SYT16: variants seen among roughly 807,000 people sequenced by gnomAD.
SYT16 encodes the protein synaptotagmin-16.
In SYT16, 42 loss-of-function variants were observed where a neutral mutation model predicts 61.4. The observed-to-expected ratio is 0.68, with a 90% confidence interval of 0.53 to 0.89. The LOEUF is 0.89. Among genes scored for constraint, SYT16 ranks in the 40% least tolerant of loss-of-function variants. SYT16 has a pLI of 0.00. For synonymous variants in SYT16, 314 were observed against 302.3 expected, an observed-to-expected ratio of 1.04 and a Z score of -0.40; for missense variants, 804 against 807.3, an observed-to-expected ratio of 1.00 and a Z score of 0.05.
intron 3 of SYT16, among the ~76,000 whole-genome samples, chr14:62,013,077 G>C (rs1011838214): frequency 5.3e-5 from 8 of 152,118 alleles, no homozygotes; most frequent in Non-Finnish European, 1.0e-4. Context: ...AGTTAACTAC[G>C]TTGTAACCTT....
At chr14:61,994,604 T>C (rs952794712) in intron 2 of SYT16, among the ~76,000 whole-genome samples, 1 of 152,036 alleles carries the variant, frequency 6.6e-6, no homozygotes, top group Admixed American at 6.6e-5. Context: ...AGGGAAGCCA[T>C]AGGACAAGTT....
intron 1 of SYT16, chr14:61,832,144 C>T (rs959722302): frequency 4.2e-6 from 3 of 706,052 alleles, no homozygotes; most frequent in Admixed American, 1.9e-5. Context: ...ACTTTCCCAT[C>T]CGTGGAGCGG....
chr14:62,054,360 G>GTTTTTTTTTTTTTTT (rs11347339), intron 3 of SYT16, among the ~76,000 whole-genome samples: 12 of 118,290 alleles, frequency 1.0e-4, no homozygotes, highest in Non-Finnish European at 1.4e-4. Context: ...AGTGAAGTGA[G>GTTTTTTTTTTTTTTT]TTTTTTTTTT....
In SYT16 at chr14:62,109,244, G is replaced by A. The variant is rs1229803105; in HGVS notation, c.*8537G>A. Reference sequence around the variant, plus strand: ...GTCCTTGTACTGTCCCCAGAGTTTTGCCTTTTCCAGAATGTCATACAGTAT... The same window carrying A: ...GTCCTTGTACTGTCCCCAGAGTTTTACCTTTTCCAGAATGTCATACAGTAT... On this transcript the variant is annotated 3_prime_UTR_variant, in exon 8 of 8. Transcript: ENST00000683842. 6.7e-6 allele frequency: 1 copy of A among 150,052 alleles called. No homozygotes were observed. The highest frequency in any genetic ancestry group is 6.6e-5 in the Admixed American group (1 of 15,068). The allele number at this position is 150,052 out of a possible 1,614,324, so 9.3% of individuals were successfully genotyped here.
chr14:62,079,649 A>G (rs1449718485), intron 5 of SYT16, among the ~76,000 whole-genome samples: 1 of 152,260 alleles, frequency 6.6e-6, no homozygotes, highest in Non-Finnish European at 1.5e-5. Context: ...TAAATTAGCA[A>G]GTTCTGGTGT....
At chr14:61,987,717 G>A (rs1280830338) in intron 2 of SYT16, among the ~76,000 whole-genome samples, 4 of 148,798 alleles carry the variant, frequency 2.7e-5, no homozygotes, top group African/African-American at 9.9e-5. Flanking sequence ...TTGTGTTATG[G>A]TGGAGGGATT....
At chr14:61,927,178 T>G (rs528056804) in intron 1 of SYT16, among the ~76,000 whole-genome samples, 1 of 152,344 alleles carries the variant, frequency 6.6e-6, no homozygotes, top group East Asian at 1.9e-4. Context: ...TCTGTGACCC[T>G]CTTGGTTTTA....
Position 62,100,464 on chromosome 14 carries a change from G to C in SYT16, c.1695G>C (p.Arg565=). ...QEMSRCKTSI[R]RGQPNPVYKE... ...TGTCCCGTTGCAAGACGTCCATTCG[G>C]CGTGGTCAGCCCAATCCTGTCTATA... Residue 565 remains arginine (R), a synonymous_variant, in exon 8 of 8, where the codon CGG becomes CGC. Transcript: ENST00000683842. The C allele has an allele frequency of 6.2e-7, 1 of 1,613,466 alleles. No individual in the cohort carries two copies. The highest frequency in any genetic ancestry group is 1.7e-5 in the Admixed American group (1 of 59,920).
chr14:62,034,796 T>C (rs558091841), intron 3 of SYT16, among the ~76,000 whole-genome samples: 1 of 152,286 alleles, frequency 6.6e-6, no homozygotes, highest in South Asian at 2.1e-4. Context: ...TTGATTGTGA[T>C]GGTTGCATAA....
Position 61,812,707 on chromosome 14 carries a change from G to T in SYT16, c.-428G>T, listed in dbSNP as rs1387998731. On this transcript the variant is annotated 5_prime_UTR_variant, in exon 1 of 8. Transcript: ENST00000683842. ...GCTGTGCGCGGCGCGGCCCCCGAGC[G>T]CACCGGGCCTGCCGAGGAGCGCGCG... 4 of 147,984 alleles carry T rather than the reference G, an allele frequency of 2.7e-5. No homozygotes were observed. Among genetic ancestry groups the T allele is most frequent in the African/African-American group, 7.3e-5 (3 of 40,944 alleles). 9.2% of individuals were successfully genotyped at this position (147,984 alleles called of 1,614,324 possible).
At chr14:61,867,746 C>T (rs370614614) in intron 1 of SYT16, among the ~76,000 whole-genome samples, 6 of 152,018 alleles carry the variant, frequency 3.9e-5, no homozygotes, top group African/African-American at 9.7e-5. Context: ...TGCTCCCAGT[C>T]TTGGGGGAAA....
intron 3 of SYT16, among the ~76,000 whole-genome samples, chr14:62,031,383 T>C (rs1308745660): frequency 1.3e-5 from 2 of 152,148 alleles, no homozygotes; most frequent in African/African-American, 4.8e-5. Context: ...GAAATGGAGA[T>C]GATGTTCACA....
chr14:62,065,702 C>T (rs17099474), intron 3 of SYT16, among the ~76,000 whole-genome samples: 4,150 of 152,260 alleles, frequency 0.027, 110 homozygotes, highest in African/African-American at 0.072. Flanking sequence ...AATCCAGACA[C>T]CCCTCACATT....
chr14:62,088,588 G>A (rs2056965020), intron 7 of SYT16, among the ~76,000 whole-genome samples: 1 of 152,172 alleles, frequency 6.6e-6, no homozygotes, highest in South Asian at 2.1e-4. Context: ...GAATGGCACT[G>A]AGCTTTGTAC....
chr14:61,835,505 A>C (rs1283825417), intron 1 of SYT16, among the ~76,000 whole-genome samples: 1 of 151,096 alleles, frequency 6.6e-6, no homozygotes, highest in African/African-American at 2.4e-5. Flanking sequence ...TGATCTGCCC[A>C]TCTTGGCCTC....
intron 3 of SYT16, among the ~76,000 whole-genome samples, chr14:62,050,757 G>T (rs2055241603): frequency 6.6e-6 from 1 of 152,090 alleles, no homozygotes; most frequent in Non-Finnish European, 1.5e-5. Flanking sequence ...TGTTTGCCTG[G>T]GTATCAGCAG....
chr14:61,832,432 C>CT, intron 1 of SYT16: 2 of 447,576 alleles, frequency 4.5e-6, no homozygotes, highest in Non-Finnish European at 8.9e-6. Context: ...CCCAGTAGTT[C>CT]TTTTTTGTTT....
intron 1 of SYT16, among the ~76,000 whole-genome samples, chr14:61,821,226 T>G (rs1355965181): frequency 7.1e-6 from 1 of 140,310 alleles, no homozygotes; most frequent in African/African-American, 2.5e-5. Flanking sequence ...CTTAGACTTT[T>G]TAGAAGTGCA....
chr14:62,039,542 A>C (rs774867323), intron 3 of SYT16, among the ~76,000 whole-genome samples: 13 of 152,284 alleles, frequency 8.5e-5, no homozygotes, highest in Non-Finnish European at 1.8e-4. Context: ...GTTAATAAAG[A>C]TTTAAATAGC....
Sources: allele counts gnomAD v4.1 joint callset (sites outside exome capture counted in the v4.1 genomes callset), GRCh38; gene constraint gnomAD v4.1.1; transcripts MANE v1.5; gene names NCBI Gene and HGNC (gene_info 2026-07-23, HGNC 2026-07-21).